Variants in CDC42BPA observed in about 807,000 individuals in gnomAD.
CDC42BPA encodes the protein CDC42 binding protein kinase alpha.
A neutral mutation model predicts 223.5 loss-of-function variants in CDC42BPA; 80 were observed. That is an observed-to-expected ratio of 0.36 (90% CI 0.30 to 0.43). The LOEUF is 0.43. CDC42BPA is among the 20% of genes least tolerant of loss of function. The pLI is 1.00. For missense variants in CDC42BPA, 1,743 were observed against 2,099.9 expected (o/e 0.83, Z 3.32); for synonymous variants, 694 against 718.6 (o/e 0.97, Z 0.55).
rs552008903 is a variant in CDC42BPA, at chr1:227,301,384, G to T, written c.178+15621C>A. On this transcript the variant is annotated intron_variant, in intron 1 of 36. Coordinates refer to ENST00000366766, the MANE Select transcript of CDC42BPA (RefSeq NM_001394014.1). ...GACATTTTTTTTTTTTTTTTGAGAC[G>T]AAGTCTCACTCTGTCGCCAAGCTAG... 9.5e-5 allele frequency among the ~76,000 whole-genome samples: 14 copies of T among 147,776 alleles called. No homozygotes were observed. In the East Asian group the frequency reaches 1.6e-3, roughly 17 times the overall value.
At chr1:227,098,543 T>C (rs1402702532) in intron 15 of CDC42BPA, among the ~76,000 whole-genome samples, 3 of 152,166 alleles carry the variant, frequency 2.0e-5, no homozygotes, top group Non-Finnish European at 1.5e-5. Context: ...GCCTCTCCTG[T>C]AGTCGTCCTT....
intron 8 of CDC42BPA, among the ~76,000 whole-genome samples, chr1:227,144,387 T>C (rs1024527314): frequency 9.2e-5 from 14 of 151,936 alleles, no homozygotes; most frequent in Non-Finnish European, 1.6e-4. Context: ...CCATTCTGGC[T>C]AACACGGTGA....
At chr1:227,069,670 T>C in intron 21 of CDC42BPA, 107 bp downstream of exon 21, 1 of 684,656 alleles carries the variant, frequency 1.5e-6, no homozygotes, top group Non-Finnish European at 2.5e-6. Context: ...AGATTCTAGG[T>C]CCTCTGATGT....
chr1:227,108,432 T>C (rs141184111), intron 14 of CDC42BPA, among the ~76,000 whole-genome samples: 49 of 152,140 alleles, frequency 3.2e-4, no homozygotes, highest in Admixed American at 1.9e-3. Context: ...CTGTAATTGA[T>C]TTCTAGCTCC....
At chr1:227,185,812 C>T (rs907079432) in intron 5 of CDC42BPA, among the ~76,000 whole-genome samples, 2 of 152,158 alleles carry the variant, frequency 1.3e-5, no homozygotes, top group African/African-American at 2.4e-5. Flanking sequence ...TCATCAGAGC[C>T]GTATCACAAT....
chr1:227,129,273 T>G, intron 10 of CDC42BPA, 42 bp from the exon 11 acceptor site: 1 of 1,383,928 alleles, frequency 7.2e-7, no homozygotes, highest in Non-Finnish European at 9.9e-7. Flanking sequence ...ATCACCATAC[T>G]CTAAATTCTT....
intron 21 of CDC42BPA, among the ~76,000 whole-genome samples, chr1:227,055,593 C>A (rs1674379159): frequency 6.6e-6 from 1 of 151,860 alleles, no homozygotes; most frequent in African/African-American, 2.4e-5. Flanking sequence ...TATTTTAAAA[C>A]CTTAAAAACA....
chr1:226,993,170 G>A lies in CDC42BPA; in HGVS notation c.*1098C>T, dbSNP rs1021858688. On this transcript the variant is annotated 3_prime_UTR_variant, in exon 37 of 37. Transcript: ENST00000366766. ...GACACCTCGCTGTGACTTAGGGAGG[G>A]ACAGGATTAGCCCAGGAATAAAAGC... 1.3e-5 allele frequency: 2 copies of A among 152,240 alleles called. No individual in the cohort carries two copies. The highest frequency in any genetic ancestry group is 4.8e-5 in the African/African-American group (2 of 41,446). 9.4% of individuals were successfully genotyped at this position (152,240 alleles called of 1,614,324 possible). A position where few individuals can be genotyped will look rare whatever the true frequency, so the allele number is the denominator to read the frequency against.
chr1:227,230,245 T>C lies in CDC42BPA; in HGVS notation c.271-17026A>G, dbSNP rs148727642. Among the ~76,000 whole-genome samples the C allele has an allele frequency of 1.9e-3, 294 of 152,354 alleles. 2 individuals are homozygous for C. Among genetic ancestry groups the C allele is most frequent in the African/African-American group, 6.6e-3 (276 of 41,576 alleles). On this transcript the variant is annotated intron_variant, in intron 2 of 36. Transcript: ENST00000366766. Reference sequence around the variant, plus strand: ...CATAGTTCTTATACCTTCAAACAGATAAATTTATACTTTAGTCAAGGTTTT... The same window carrying C: ...CATAGTTCTTATACCTTCAAACAGACAAATTTATACTTTAGTCAAGGTTTT...
chr1:227,257,147 A>G (rs1416402774), intron 1 of CDC42BPA, among the ~76,000 whole-genome samples: 1 of 152,198 alleles, frequency 6.6e-6, no homozygotes, highest in African/African-American at 2.4e-5. Context: ...ATTCATAGAG[A>G]CAGAAAGTAG....
chr1:227,044,316 G>A (rs1466143743), intron 23 of CDC42BPA, among the ~76,000 whole-genome samples: 1 of 152,090 alleles, frequency 6.6e-6, no homozygotes, highest in East Asian at 1.9e-4. Flanking sequence ...TGCTTTCACT[G>A]TAAAAGCATT....
chr1:227,130,893 T>A (rs1461164207), intron 10 of CDC42BPA, among the ~76,000 whole-genome samples: 1 of 151,982 alleles, frequency 6.6e-6, no homozygotes, highest in East Asian at 1.9e-4. Flanking sequence ...GAATACCAAA[T>A]GGACATTAAT....
intron 32 of CDC42BPA, 75 bp from the exon 33 acceptor site, chr1:227,017,125 G>C: frequency 7.3e-7 from 1 of 1,377,328 alleles, no homozygotes; most frequent in Non-Finnish European, 9.9e-7. Flanking sequence ...TAACCTCCAA[G>C]ACAGTACAAA....
rs571759084 is a variant in CDC42BPA at position 227,233,930 on chromosome 1, C to T, written c.270+20134G>A. ...CCTGGGTGACAGGACGAGACTCTGT[C>T]TCAATTTTAAATAAATAAATACATA... is the stretch of plus-strand genomic sequence containing the variant. On this transcript the variant is annotated intron_variant, in intron 2 of 36. Transcript: ENST00000366766. Among the ~76,000 whole-genome samples the T allele has an allele frequency of 3.3e-5, 5 of 152,264 alleles. No homozygotes were observed. The South Asian group carries it at 1.0e-3, about 32-fold the overall frequency.
chr1:227,053,564 G>A (rs1257208769), intron 21 of CDC42BPA, among the ~76,000 whole-genome samples: 1 of 152,144 alleles, frequency 6.6e-6, no homozygotes, highest in Non-Finnish European at 1.5e-5. Context: ...AAACTAGTAT[G>A]CCTTGTGAAG....
intron 1 of CDC42BPA, among the ~76,000 whole-genome samples, chr1:227,315,680 A>T (rs7520769): frequency 0.31 from 46,583 of 151,814 alleles, 7,301 homozygotes; most frequent in East Asian, 0.36. Context: ...TAAAAGACGT[A>T]TACTCACAAA....
chr1:227,249,108 A>C (rs575774160), intron 2 of CDC42BPA, among the ~76,000 whole-genome samples: 27 of 152,298 alleles, frequency 1.8e-4, no homozygotes, highest in Non-Finnish European at 2.8e-4. Context: ...ATGAAACAGA[A>C]TAAAGAACCC....
At chr1:227,252,624 A>G (rs1301941376) in intron 2 of CDC42BPA, among the ~76,000 whole-genome samples, 5 of 152,222 alleles carry the variant, frequency 3.3e-5, no homozygotes, top group African/African-American at 1.2e-4. Context: ...ACACAGGTGC[A>G]AAGATCCTAT....
At chr1:227,112,236 A>AT (rs1276498488) in intron 14 of CDC42BPA, 76 bp downstream of exon 14, 1 of 762,596 alleles carries the variant, frequency 1.3e-6, no homozygotes, top group African/African-American at 1.8e-5. Flanking sequence ...CGAATACAGT[A>AT]TACAAGCTAA....
Sources: gnomAD v4.1 joint callset for allele counts (sites outside exome capture counted in the v4.1 genomes callset) on GRCh38, gnomAD v4.1.1 for gene constraint, MANE v1.5 for transcripts, NCBI Gene and HGNC (gene_info 2026-07-23, HGNC 2026-07-21) for gene names.